Variants in PARVB observed in about 807,000 individuals in gnomAD.
The protein encoded by PARVB is beta-parvin.
PARVB carries 46 observed loss-of-function variants against 47.0 expected under a neutral mutation model. The ratio of observed to expected loss-of-function variants is 0.98; its 90% confidence interval spans 0.77 to 1.25. The LOEUF (loss-of-function observed/expected upper bound fraction) is 1.25, where lower values mean the gene tolerates loss of function less well. Ranked by LOEUF, PARVB falls within the 50% of genes most tolerant of loss-of-function variation. The probability of loss-of-function intolerance (pLI) is 0.00; values close to 1 mark genes in which losing one functional copy is unlikely to be tolerated. For missense variants in PARVB, 473 were observed against 471.6 expected (o/e 1.00, Z -0.03); for synonymous variants, 196 against 196.3 (o/e 1.00, Z 0.01).
At chr22:44,136,943 C>T (rs2053453260) in intron 7 of PARVB, among the ~76,000 whole-genome samples, 1 of 152,188 alleles carries the variant, frequency 6.6e-6, no homozygotes, top group Non-Finnish European at 1.5e-5. Flanking sequence ...CTGTTATCTC[C>T]TAGAGAAAGC....
intron 2 of PARVB, among the ~76,000 whole-genome samples, chr22:44,007,062 A>G (rs1394995180): frequency 6.6e-6 from 1 of 152,234 alleles, no homozygotes; most frequent in Non-Finnish European, 1.5e-5. Context: ...AGGAAGCTTC[A>G]CAATGGTTAC....
intron 1 of PARVB, among the ~76,000 whole-genome samples, chr22:44,066,874 C>A (rs1324102485): frequency 7.3e-6 from 1 of 137,890 alleles, no homozygotes; most frequent in Non-Finnish European, 1.5e-5. Context: ...CTTCTTTCTT[C>A]TTTCTTTTTC....
At chr22:44,028,694 G>A (rs912454699) in intron 1 of PARVB, among the ~76,000 whole-genome samples, 2 of 152,156 alleles carry the variant, frequency 1.3e-5, no homozygotes, top group African/African-American at 2.4e-5. Flanking sequence ...AGTGTGTCTC[G>A]TTTTGGAAGA....
chr22:44,018,674 G>A (rs1055845908), intron 2 of PARVB, among the ~76,000 whole-genome samples: 3 of 152,048 alleles, frequency 2.0e-5, no homozygotes, highest in Non-Finnish European at 4.4e-5. Context: ...GGGTTTCCTC[G>A]CTTGGTCCTC....
At chr22:44,017,384 G>A (rs2050594767) in intron 2 of PARVB, among the ~76,000 whole-genome samples, 1 of 152,174 alleles carries the variant, frequency 6.6e-6, no homozygotes, top group Non-Finnish European at 1.5e-5. Flanking sequence ...GGATTTCTTA[G>A]TAGCGAGTAC....
In PARVB at chr22:44,093,975, TC is replaced by T. The variant is rs754508528; in HGVS notation, c.165del (p.Ala56ProfsTer20). On this transcript the variant is annotated frameshift_variant, in exon 2 of 13. Coordinates refer to ENST00000338758, the MANE Select transcript of PARVB (RefSeq NM_013327.5). LOFTEE classifies it high-confidence loss of function. ...CAAGAATGCCATCAACTCACCGATGTCCCCCGCCCTGGTGGATGTTCACCCT... is the reference window on the plus strand; with the variant it reads ...CAAGAATGCCATCAACTCACCGATGTCCCCGCCCTGGTGGATGTTCACCCT... ...EGKNAINSPM[S>X]PALVDVHPED... 22 of 1,613,636 alleles carry T rather than the reference TC, an allele frequency of 1.4e-5. No individual in the cohort carries two copies. Among genetic ancestry groups the T allele is most frequent in the Non-Finnish European group, 1.9e-5 (22 of 1,179,538 alleles).
intron 1 of PARVB, among the ~76,000 whole-genome samples, chr22:44,079,287 C>T (rs2051846134): frequency 6.6e-6 from 1 of 152,154 alleles, no homozygotes; most frequent in Admixed American, 6.5e-5. Context: ...AGAGCTAGTG[C>T]ACCATCCTTG....
intron 2 of PARVB, chr22:44,010,680 T>C (rs2050512987): frequency 6.6e-6 from 1 of 152,140 alleles, no homozygotes; most frequent in Admixed American, 6.5e-5. Flanking sequence ...TCAGGTAAAA[T>C]GTGCAGTAAA....
upstream of PARVB, among the ~76,000 whole-genome samples, chr22:44,021,753 C>A (rs2050650431): frequency 8.0e-6 from 1 of 124,302 alleles, no homozygotes; most frequent in African/African-American, 3.1e-5. Context: ...CCTGTAAAGT[C>A]TAGACTCACA....
At chr22:44,160,279 C>T (rs531387891) in intron 11 of PARVB, among the ~76,000 whole-genome samples, 100 of 152,290 alleles carry the variant, frequency 6.6e-4, no homozygotes, top group African/African-American at 2.3e-3. Context: ...CGAGTTGCTT[C>T]CCCCTCAGCA....
chr22:44,040,781 C>T (rs751973357), intron 1 of PARVB, among the ~76,000 whole-genome samples: 9 of 151,686 alleles, frequency 5.9e-5, no homozygotes, highest in African/African-American at 1.5e-4. Context: ...TTTGGGAGGC[C>T]GAGGTGGACG....
At chr22:44,104,420 T>C (rs1161033184) in intron 3 of PARVB, 1 of 152,454 alleles carries the variant, frequency 6.6e-6, no homozygotes, top group Non-Finnish European at 1.5e-5. Context: ...ATACGTTAAA[T>C]ATTAGTTCTC....
intron 7 of PARVB, chr22:44,139,154 G>C (rs898069858): frequency 1.3e-5 from 2 of 152,222 alleles, no homozygotes; most frequent in Admixed American, 1.3e-4. Flanking sequence ...CAAGTACATT[G>C]TGTTTACTCC....
At chr22:44,059,792 G>C (rs1347246864) in intron 1 of PARVB, among the ~76,000 whole-genome samples, 1 of 152,182 alleles carries the variant, frequency 6.6e-6, no homozygotes, top group East Asian at 1.9e-4. Context: ...CACAGAAGAT[G>C]TGTTATTAAA....
intron 2 of PARVB, among the ~76,000 whole-genome samples, chr22:44,008,223 C>A (rs940277503): frequency 6.6e-6 from 1 of 152,062 alleles, no homozygotes; most frequent in African/African-American, 2.4e-5. Flanking sequence ...GCCTTAGCAC[C>A]CCCGCCCGCC....
At chr22:44,066,014 G>GTAGA (rs1415402525) in intron 1 of PARVB, among the ~76,000 whole-genome samples, 1 of 152,092 alleles carries the variant, frequency 6.6e-6, no homozygotes, top group Non-Finnish European at 1.5e-5. Context: ...TTTCCCTTGG[G>GTAGA]TAGATACCCA....
chr22:44,050,344 G>A (rs1302917741), intron 1 of PARVB, among the ~76,000 whole-genome samples: 8 of 149,574 alleles, frequency 5.3e-5, no homozygotes, highest in Admixed American at 2.0e-4. Context: ...GACCCCTTTC[G>A]GCCTTTTTTT....
intron 8 of PARVB, chr22:44,145,141 G>C (rs1258519659): frequency 6.6e-6 from 1 of 152,264 alleles, no homozygotes; most frequent in African/African-American, 2.4e-5. Flanking sequence ...CAATGCTCCT[G>C]CCAGGCTCCA....
At chr22:44,140,832 A>T in intron 8 of PARVB, 1 of 244,704 alleles carries the variant, frequency 4.1e-6, no homozygotes, top group Non-Finnish European at 8.4e-6. Context: ...AGAGGTAATC[A>T]CTCTCTCTTC....
Sources: allele counts gnomAD v4.1 joint callset (sites outside exome capture counted in the v4.1 genomes callset), GRCh38; gene constraint gnomAD v4.1.1; transcripts MANE v1.5; gene names NCBI Gene and HGNC (gene_info 2026-07-23, HGNC 2026-07-21).